ARHGAP35: variants seen among roughly 807,000 people sequenced by gnomAD.
The protein encoded by ARHGAP35 is Rho GTPase activating protein 35.
Under a neutral mutation model 111.1 loss-of-function variants are expected in ARHGAP35, and 15 were observed. The observed-to-expected ratio is 0.13, with a 90% CI of 0.09 to 0.21. The LOEUF (loss-of-function observed/expected upper bound fraction) is 0.21. ARHGAP35 is among the 10% of genes least tolerant of loss of function. ARHGAP35 has a pLI of 1.00. For missense variants in ARHGAP35, 1,262 were observed against 1,873.0 expected (o/e 0.67, Z 6.02); for synonymous variants, 643 against 710.3 (o/e 0.91, Z 1.51).
rs1286414410 is a variant in ARHGAP35, at chr19:46,987,994, A to G, written c.3832A>G (p.Ser1278Gly). ...CCCTGCCTGTTTCTCCTCAGGACTG[A>G]GCACGGAAGGCATCTACCGGGTCAG... ...CIEYIEATGL[S>G]TEGIYRVSGN... is the part of the protein sequence containing the mutation. Residue 1278 changes from serine (S) to glycine (G), a missense_variant, in exon 4 of 7, where the codon AGC becomes GGC. Coordinates refer to ENST00000672722, the MANE Select transcript of ARHGAP35 (RefSeq NM_004491.5). The G allele has an allele frequency of 2.5e-6, 4 of 1,613,798 alleles. No homozygotes were observed. In the South Asian group the frequency reaches 4.4e-5, roughly 18 times the overall value.
intron 2 of ARHGAP35, among the ~76,000 whole-genome samples, chr19:46,924,048 T>C (rs1028108719): frequency 6.6e-6 from 1 of 152,158 alleles, no homozygotes; most frequent in African/African-American, 2.4e-5. Flanking sequence ...CACCAGCAGA[T>C]TATGATATAT....
chr19:46,978,284 TG>T (rs1344758639), intron 3 of ARHGAP35, among the ~76,000 whole-genome samples: 1 of 152,190 alleles, frequency 6.6e-6, no homozygotes. Flanking sequence ...GAAGGGACAC[TG>T]GGCTGTGATT....
At chr19:46,961,531 A>G (rs2056482343) in intron 3 of ARHGAP35, among the ~76,000 whole-genome samples, 1 of 146,128 alleles carries the variant, frequency 6.8e-6, no homozygotes, top group Non-Finnish European at 1.5e-5. Flanking sequence ...ACATGGGTGA[A>G]TCTCATGGAC....
intron 1 of ARHGAP35, among the ~76,000 whole-genome samples, chr19:46,872,601 C>T (rs1441516641): frequency 6.6e-6 from 1 of 152,116 alleles, no homozygotes; most frequent in Non-Finnish European, 1.5e-5. Context: ...ACTAATAAGG[C>T]TGGGTGAGGT....
intron 1 of ARHGAP35, among the ~76,000 whole-genome samples, chr19:46,874,189 A>C (rs1383670809): frequency 1.3e-5 from 2 of 152,184 alleles, no homozygotes; most frequent in Non-Finnish European, 2.9e-5. Context: ...ATAGAGGTAG[A>C]GGTCTAGGTA....
In ARHGAP35 at chr19:46,994,362, G is replaced by C. The variant is rs2056695479; in HGVS notation, c.4036+4687G>C. Among the ~76,000 whole-genome samples, 1 of 152,194 alleles carries C rather than the reference G, an allele frequency of 6.6e-6. No homozygotes were observed. Among genetic ancestry groups the C allele is most frequent in the South Asian group, 2.1e-4 (1 of 4,832 alleles). On this transcript the variant is annotated intron_variant, in intron 5 of 6. Coordinates refer to ENST00000672722, the MANE Select transcript of ARHGAP35 (RefSeq NM_004491.5). This position sits in a 1 kb window ranked among gnomAD's most constrained non-coding sequence, Gnocchi z 5.4. ...TGAGTGTGCCGCTGCCCTGTGACCA[G>C]GTCCACACAGACTGTGGCCCCAGCC...
In ARHGAP35 at chr19:47,003,944, A is replaced by T. The variant is rs954596774; in HGVS notation, c.*3256A>T. On this transcript the variant is annotated 3_prime_UTR_variant, in exon 7 of 7. Transcript: ENST00000672722. The stretch of plus-strand genomic sequence containing the variant: ...CACACACACACACACACACACACAC[A>T]CACACAAAACTTCACAGCAGGCCAG... 26 of 152,780 alleles carry T rather than the reference A, an allele frequency of 1.7e-4. No homozygotes were observed. The highest frequency in any genetic ancestry group is 4.6e-4 in the Admixed American group (7 of 15,246). 9.5% of individuals were successfully genotyped at this position (152,780 alleles called of 1,614,324 possible). A position where few individuals can be genotyped will look rare whatever the true frequency, so the allele number is the denominator to read the frequency against.
intron 3 of ARHGAP35, chr19:46,946,706 TTTTTGTTTTG>T (rs538185392): frequency 6.6e-6 from 1 of 152,458 alleles, no homozygotes; most frequent in South Asian, 2.1e-4. Flanking sequence ...TGGCTTGGTT[TTTTTGTTTTG>T]TTTTGTTTTG....
intron 1 of ARHGAP35, among the ~76,000 whole-genome samples, 136 bp downstream of exon 1, chr19:46,861,345 C>A (rs970729820): frequency 2.1e-5 from 3 of 143,348 alleles, no homozygotes; most frequent in Admixed American, 6.8e-5. Flanking sequence ...GAGGAGCGGC[C>A]CCCCCCCCAG....
At chr19:46,944,365 G>A (rs1050974562) in intron 3 of ARHGAP35, among the ~76,000 whole-genome samples, 8 of 151,678 alleles carry the variant, frequency 5.3e-5, no homozygotes, top group African/African-American at 1.5e-4. Context: ...TAGATATGTA[G>A]GACAGAAAGT....
rs368178076 is a variant in ARHGAP35, at chr19:46,881,124, G to A, written c.-189+19915G>A. Among the ~76,000 whole-genome samples the A allele has an allele frequency of 3.6e-4, 55 of 151,854 alleles. 1 individual carries two copies. In the South Asian group the frequency reaches 0.011, roughly 30 times the overall value. ...CACACCCAGCTAATTTTTGTTTTTC[G>A]AGTAGAGATGGGGTTTCACCATGTT... On this transcript the variant is annotated intron_variant, in intron 1 of 6. Transcript: ENST00000672722.
chr19:46,960,063 T>C (rs978850958), intron 3 of ARHGAP35, among the ~76,000 whole-genome samples: 2 of 148,242 alleles, frequency 1.3e-5, no homozygotes, highest in Non-Finnish European at 3.0e-5. Flanking sequence ...TGAGCTATGA[T>C]TGCACCACTG....
intron 1 of ARHGAP35, among the ~76,000 whole-genome samples, chr19:46,912,423 C>T (rs1054160596): frequency 1.3e-5 from 2 of 151,684 alleles, no homozygotes; most frequent in African/African-American, 4.8e-5. Flanking sequence ...GGCACGATCT[C>T]GGCTCACTGC....
chr19:46,885,576 C>A (rs12610835), intron 1 of ARHGAP35, among the ~76,000 whole-genome samples: 1 of 152,038 alleles, frequency 6.6e-6, no homozygotes, highest in Non-Finnish European at 1.5e-5. Flanking sequence ...GGGTTAATGC[C>A]GGTGATTTCA....
intron 3 of ARHGAP35, among the ~76,000 whole-genome samples, chr19:46,951,305 C>T (rs1015459707): frequency 2.0e-5 from 3 of 152,162 alleles, no homozygotes; most frequent in African/African-American, 7.2e-5. Context: ...ACATCCAGGA[C>T]AGGGGGCGGG....
At chr19:46,963,711 C>T (rs996440345) in intron 3 of ARHGAP35, among the ~76,000 whole-genome samples, 74 of 152,252 alleles carry the variant, frequency 4.9e-4, no homozygotes, top group East Asian at 7.7e-4. Context: ...AAAGAGGACA[C>T]GACAGTGCTG....
intron 3 of ARHGAP35, among the ~76,000 whole-genome samples, chr19:46,984,937 G>A (rs566875396): frequency 1.3e-5 from 2 of 152,180 alleles, no homozygotes; most frequent in Non-Finnish European, 2.9e-5. Flanking sequence ...TGCGGCCCTC[G>A]GCTGGCCAGG....
chr19:46,927,301 T>C (rs1031575100), intron 2 of ARHGAP35, among the ~76,000 whole-genome samples: 6 of 152,356 alleles, frequency 3.9e-5, no homozygotes, highest in African/African-American at 1.4e-4. Flanking sequence ...GCTTACAGTC[T>C]TGGGGATGTT....
intron 1 of ARHGAP35, among the ~76,000 whole-genome samples, chr19:46,885,784 T>G (rs1010459206): frequency 5.3e-5 from 8 of 152,080 alleles, no homozygotes; most frequent in African/African-American, 1.7e-4. Context: ...TGGATTTTTT[T>G]AATCTTAATT....
Sources: allele counts gnomAD v4.1 joint callset (sites outside exome capture counted in the v4.1 genomes callset), GRCh38; gene constraint gnomAD v4.1.1; non-coding constraint Gnocchi (gnomAD v3.1); transcripts MANE v1.5; gene names NCBI Gene and HGNC (gene_info 2026-07-23, HGNC 2026-07-21).